RAC1: variants seen among roughly 807,000 people sequenced by gnomAD.
RAC1 encodes ras-related C3 botulinum toxin substrate 1.
Under a neutral mutation model 25.2 loss-of-function variants are expected in RAC1, and 2 were observed. That is an observed-to-expected ratio of 0.08 (90% CI 0.03 to 0.25). The LOEUF is 0.25. Among genes scored for constraint, RAC1 ranks in the 10% least tolerant of loss-of-function variants. The pLI is 1.00. For synonymous variants in RAC1, 88 were observed against 94.0 expected (o/e 0.94, Z 0.37); for missense variants, 50 against 235.7 (o/e 0.21, Z 5.16).
intron 3 of RAC1, among the ~76,000 whole-genome samples, chr7:6,396,359 G>C (rs545028422): frequency 6.6e-6 from 1 of 152,246 alleles, no homozygotes; most frequent in South Asian, 2.1e-4. Flanking sequence ...GCCGGGAGGA[G>C]GGGATGCTAG....
chr7:6,394,805 CAAG>C (rs1783184293), intron 3 of RAC1, among the ~76,000 whole-genome samples: 1 of 152,030 alleles, frequency 6.6e-6, no homozygotes, highest in African/African-American at 2.4e-5. Flanking sequence ...CCTAGTCTCT[CAAG>C]TAGCTGGGAC....
chr7:6,384,144 C>T (rs934499968), intron 1 of RAC1, among the ~76,000 whole-genome samples: 9 of 152,182 alleles, frequency 5.9e-5, no homozygotes, highest in Admixed American at 5.2e-4. Context: ...GCTCCACTTT[C>T]TTCCTCAGCT....
At chr7:6,384,992 GA>G (rs1382332997) in intron 1 of RAC1, among the ~76,000 whole-genome samples, 1 of 146,948 alleles carries the variant, frequency 6.8e-6, no homozygotes, top group Non-Finnish European at 1.5e-5. Context: ...TTTTAGTAGA[GA>G]ACGGGTTTCT....
chr7:6,384,117 G>T (rs1286368181), intron 1 of RAC1, among the ~76,000 whole-genome samples: 1 of 151,896 alleles, frequency 6.6e-6, no homozygotes, highest in Non-Finnish European at 1.5e-5. Flanking sequence ...TTTTAAAAAG[G>T]TCCCTTAGAG....
At chr7:6,383,784 C>CTTT (rs34847745) in intron 1 of RAC1, among the ~76,000 whole-genome samples, 466 of 39,750 alleles carry the variant, frequency 0.012, 54 homozygotes, top group East Asian at 0.046. Context: ...CAACCTTTAT[C>CTTT]TTTTTTTTTT....
chr7:6,389,976 T>G (rs917178757), intron 2 of RAC1, among the ~76,000 whole-genome samples: 6 of 134,168 alleles, frequency 4.5e-5, no homozygotes, highest in Non-Finnish European at 8.0e-5. Context: ...CCTTCCTTTC[T>G]TCCCTCCCTC....
At chr7:6,381,312 CAT>C (rs1269832375) in intron 1 of RAC1, among the ~76,000 whole-genome samples, 1 of 151,702 alleles carries the variant, frequency 6.6e-6, no homozygotes, top group Non-Finnish European at 1.5e-5. Flanking sequence ...CTCAGTTGTA[CAT>C]AGTGTCTTCA....
chr7:6,400,057 T>C, intron 3 of RAC1, 69 bp from the exon 4 acceptor site: 1 of 1,401,754 alleles, frequency 7.1e-7, no homozygotes. Flanking sequence ...CAGCAACATG[T>C]AGAAAGCAAA....
chr7:6,389,945 C>T (rs1308332049), intron 2 of RAC1, among the ~76,000 whole-genome samples: 1 of 144,774 alleles, frequency 6.9e-6, no homozygotes, highest in African/African-American at 2.5e-5. Flanking sequence ...TTCCCTCCCT[C>T]CCTCTCTCCC....
chr7:6,383,654 A>G (rs1428038232), intron 1 of RAC1, among the ~76,000 whole-genome samples: 1 of 152,114 alleles, frequency 6.6e-6, no homozygotes, highest in Non-Finnish European at 1.5e-5. Context: ...TTCCTCATAT[A>G]CATAGAGACT....
intron 2 of RAC1, among the ~76,000 whole-genome samples, chr7:6,388,694 A>T (rs1782995809): frequency 6.6e-6 from 1 of 151,810 alleles, no homozygotes; most frequent in Admixed American, 6.6e-5. Context: ...TTTATGGGGG[A>T]GATTTTCCTT....
intron 3 of RAC1, chr7:6,398,556 C>A: frequency 1.0e-6 from 1 of 967,914 alleles, no homozygotes; most frequent in South Asian, 1.5e-5. Flanking sequence ...TGGATCTCTC[C>A]GGAGGGTTAA....
chr7:6,380,619 CTT>C (rs1782737163), intron 1 of RAC1, among the ~76,000 whole-genome samples: 1 of 152,160 alleles, frequency 6.6e-6, no homozygotes, highest in Non-Finnish European at 1.5e-5. Flanking sequence ...TGTCAAGAGT[CTT>C]TGCCACCAAG....
At chr7:6,379,940 G>A (rs560384874) in intron 1 of RAC1, among the ~76,000 whole-genome samples, 2 of 152,194 alleles carry the variant, frequency 1.3e-5, no homozygotes, top group Admixed American at 1.3e-4. Flanking sequence ...TGTTGTTTTG[G>A]TGTTGGTTGA....
chr7:6,381,432 C>G (rs1052076130), intron 1 of RAC1, among the ~76,000 whole-genome samples: 36 of 141,698 alleles, frequency 2.5e-4, no homozygotes, highest in Admixed American at 3.7e-4. Context: ...CTTGCTCTGT[C>G]GCCAGGCTGG....
intron 1 of RAC1, among the ~76,000 whole-genome samples, chr7:6,381,568 G>T (rs1782765799): frequency 6.7e-6 from 1 of 149,916 alleles, no homozygotes; most frequent in Non-Finnish European, 1.5e-5. Flanking sequence ...AATTTCTTTT[G>T]TATTTTAGTA....
intron 1 of RAC1, among the ~76,000 whole-genome samples, chr7:6,376,486 A>G: frequency 8.1e-6 from 1 of 122,924 alleles, no homozygotes; most frequent in African/African-American, 3.1e-5. Context: ...GCCCGGCCCA[A>G]TTTTTTTTTT....
intron 3 of RAC1, among the ~76,000 whole-genome samples, chr7:6,395,089 T>C (rs34625661): frequency 0.023 from 3,519 of 152,154 alleles, 146 homozygotes; most frequent in African/African-American, 0.08. Context: ...CTCCTGAGCT[T>C]GTGATCCGCC....
chr7:6,395,594 GT>G lies in RAC1; in HGVS notation c.225+3561del, dbSNP rs199546140. Among the ~76,000 whole-genome samples, 186 of 152,104 alleles carry G rather than the reference GT, an allele frequency of 1.2e-3. 1 individual carries two copies. The highest frequency in any genetic ancestry group is 2.1e-3 in the Non-Finnish European group (144 of 67,970). ...CACTACTTAGAAACGATTATGAGTT[GT>G]TTTTTTTAAAGTTTACTTACTTTTG... On this transcript the variant is annotated intron_variant, in intron 3 of 5. Coordinates refer to ENST00000348035, the MANE Select transcript of RAC1 (RefSeq NM_006908.5).
Sources: allele counts gnomAD v4.1 joint callset (sites outside exome capture counted in the v4.1 genomes callset), GRCh38; gene constraint gnomAD v4.1.1; transcripts MANE v1.5; gene names NCBI Gene and HGNC (gene_info 2026-07-23, HGNC 2026-07-21).